Variants in ADAMTS15 observed in about 807,000 individuals in gnomAD.
ADAMTS15 encodes ADAM metallopeptidase with thrombospondin type 1 motif 15.
Under a neutral mutation model 79.1 loss-of-function variants are expected in ADAMTS15, and 35 were observed. The ratio of observed to expected loss-of-function variants is 0.44; its 90% CI spans 0.34 to 0.59. The LOEUF (loss-of-function observed/expected upper bound fraction) is 0.59, where lower values mean the gene tolerates loss of function less well. ADAMTS15 is among the 20% of genes least tolerant of loss of function. The pLI, the probability that ADAMTS15 is intolerant of heterozygous loss-of-function variation, is 0.02. For synonymous variants in ADAMTS15, 616 were observed against 567.3 expected (o/e 1.09, Z -1.22); for missense variants, 1,324 against 1,318.7 (o/e 1.00, Z -0.06).
At chr11:130,470,188 A>ATG (rs1565397863) in intron 5 of ADAMTS15, among the ~76,000 whole-genome samples, 3 of 48,916 alleles carry the variant, frequency 6.1e-5, no homozygotes, top group Non-Finnish European at 1.2e-4. Context: ...ATATGTGTGT[A>ATG]TATATATATA....
chr11:130,466,166 C>T (rs535867212), intron 4 of ADAMTS15, among the ~76,000 whole-genome samples: 1 of 152,336 alleles, frequency 6.6e-6, no homozygotes, highest in South Asian at 2.1e-4. Flanking sequence ...AGCCACCGCG[C>T]CCGGCCTGTA....
At position 130,448,673 on chromosome 11, in the gene ADAMTS15, G is replaced by A. The variant is rs1027793131; in HGVS notation, c.-301G>A. ...CTGCGAGTGGCTGCGGTTGCGAGAA[G>A]CCGCCCGGCACCTTCCGCTAGTTCT... On this transcript the variant is annotated 5_prime_UTR_variant, in exon 1 of 8. Coordinates refer to ENST00000299164, the MANE Select transcript of ADAMTS15 (RefSeq NM_139055.4). Among the ~76,000 whole-genome samples the A allele has an allele frequency of 2.0e-5, 3 of 152,252 alleles. No homozygotes were observed. The highest frequency in any genetic ancestry group is 4.4e-5 in the Non-Finnish European group (3 of 68,046).
Position 130,471,323 on chromosome 11 carries a change from G to A in ADAMTS15, c.2018G>A (p.Gly673Glu). ...TCCAAGAAGAGATTCGACAAGTGTG[G>A]GGTGTGTGGGGGAGACAATAAGAGC... ...LGSKKRFDKC[G>E]VCGGDNKSCK... The change falls in exon 7 of 8, where the codon GGG becomes GAG. Residue 673 changes from glycine (G) to glutamate (E), a missense_variant. Physicochemically the swap from Gly to Glu is moderately conservative, Grantham distance 98. Transcript: ENST00000299164. 6.2e-7 allele frequency: 1 copy of A among 1,612,756 alleles called. No individual in the cohort carries two copies. The highest frequency in any genetic ancestry group is 8.5e-7 in the Non-Finnish European group (1 of 1,179,734).
chr11:130,450,059 C>CG, intron 1 of ADAMTS15, 129 bp downstream of exon 1: 1 of 1,484,118 alleles, frequency 6.7e-7, no homozygotes, highest in Non-Finnish European at 8.9e-7. Context: ...TCTTCCGACT[C>CG]CAACTCTGTG....
Position 130,462,548 on chromosome 11 carries a change from T to G in ADAMTS15, c.1310T>G (p.Leu437Arg). The change falls in exon 4 of 8, where the codon CTG becomes CGG. Residue 437 changes from leucine (L) to arginine (R), a missense_variant. By Grantham distance (102) the Leu-to-Arg change is moderately radical. Coordinates refer to ENST00000299164, the MANE Select transcript of ADAMTS15 (RefSeq NM_139055.4). This position sits in a 1 kb window ranked among gnomAD's most constrained non-coding sequence, Gnocchi z 4.3. ...PSKPISLPED[L>R]PGASYTLSQQ... ...AAGCCCATCTCCCTGCCCGAGGATCTGCCGGGCGCCAGCTACACCCTGAGC... is the reference window on the plus strand; with the variant it reads ...AAGCCCATCTCCCTGCCCGAGGATCGGCCGGGCGCCAGCTACACCCTGAGC... The G allele has an allele frequency of 6.2e-7, 1 of 1,611,128 alleles. No homozygotes were observed. The highest frequency in any genetic ancestry group is 8.5e-7 in the Non-Finnish European group (1 of 1,178,092).
chr11:130,472,678 A>T lies in ADAMTS15; in HGVS notation c.2079-369A>T, dbSNP rs947082593. ...ATGGTGGACTTACTCCTCCCGCCCC[A>T]CCCCTCCTCCTCCTCCTCCTCCTCC... On this transcript the variant is annotated intron_variant, in intron 7 of 7. Transcript: ENST00000299164. This position sits in a 1 kb window ranked among gnomAD's most constrained non-coding sequence, Gnocchi z 4.7. Among the ~76,000 whole-genome samples the T allele has an allele frequency of 7.8e-5, 8 of 102,592 alleles. No homozygotes were observed. The highest frequency in any genetic ancestry group is 3.7e-4 in the African/African-American group (8 of 21,504). 67.3% of individuals were successfully genotyped at this position (102,592 alleles called of 152,430 possible).
chr11:130,450,355 C>T (rs773008596), intron 1 of ADAMTS15: 103 of 985,346 alleles, frequency 1.0e-4, no homozygotes, highest in Non-Finnish European at 1.2e-4. Flanking sequence ...CTCCTGAGGT[C>T]TCCTTTCAAG....
chr11:130,455,233 C>A (rs1938052189), intron 1 of ADAMTS15, among the ~76,000 whole-genome samples: 1 of 152,166 alleles, frequency 6.6e-6, no homozygotes, highest in Admixed American at 6.5e-5. Flanking sequence ...ATCATCTCAT[C>A]ACTGCCTTCG....
chr11:130,453,279 A>T (rs1384370846), intron 1 of ADAMTS15, among the ~76,000 whole-genome samples: 21 of 132,860 alleles, frequency 1.6e-4, no homozygotes, highest in African/African-American at 2.7e-4. Flanking sequence ...CTTTGGACTG[A>T]TTTTTTTTTT....
At chr11:130,464,904 T>C (rs769699805) in intron 4 of ADAMTS15, among the ~76,000 whole-genome samples, 6 of 150,336 alleles carry the variant, frequency 4.0e-5, no homozygotes, top group Non-Finnish European at 5.9e-5. Flanking sequence ...GAGGCAGAGG[T>C]TGCACTGAGC....
At chr11:130,455,487 C>A (rs528332820) in intron 1 of ADAMTS15, among the ~76,000 whole-genome samples, 1 of 152,188 alleles carries the variant, frequency 6.6e-6, no homozygotes, top group Non-Finnish European at 1.5e-5. Context: ...CCCTGCAAGT[C>A]GGCTGTTCAG....
chr11:130,463,459 G>T (rs1938242565), intron 4 of ADAMTS15, among the ~76,000 whole-genome samples: 2 of 152,102 alleles, frequency 1.3e-5, no homozygotes, highest in African/African-American at 4.8e-5. Flanking sequence ...GGGGGTTTTG[G>T]GGGTAGGAGA....
In ADAMTS15 at chr11:130,449,273, C is replaced by G; in HGVS notation, c.300C>G (p.Arg100=). The change falls in exon 1 of 8, where the codon CGC becomes CGG. Residue 100 remains arginine, a synonymous_variant. Transcript: ENST00000299164. The surrounding 1 kb of genome is among the most constrained non-coding windows in gnomAD (Gnocchi z 7.8). ...CCGGGGGCTCTTCAGACCTGCGACGCTGCTTCTATTCTGGGGACGTGAACG... is the reference window on the plus strand; with the variant it reads ...CCGGGGGCTCTTCAGACCTGCGACGGTGCTTCTATTCTGGGGACGTGAACG... The part of the protein sequence containing the change: ...GLTGGSSDLR[R]CFYSGDVNAE... The G allele has an allele frequency of 6.2e-7, 1 of 1,612,726 alleles. No homozygotes were observed. The highest frequency in any genetic ancestry group is 8.5e-7 in the Non-Finnish European group (1 of 1,180,030).
chr11:130,457,325 A>G (rs1938105214), intron 1 of ADAMTS15, among the ~76,000 whole-genome samples: 1 of 151,716 alleles, frequency 6.6e-6, no homozygotes, highest in African/African-American at 2.4e-5. Context: ...CATGCCTGGG[A>G]AATGAGAAGA....
In ADAMTS15 at chr11:130,462,571, A is replaced by G. The variant is rs768485222; in HGVS notation, c.1333A>G (p.Ser445Gly). 5 of 1,613,168 alleles carry G rather than the reference A, an allele frequency of 3.1e-6. No individual in the cohort carries two copies. The highest frequency in any genetic ancestry group is 3.4e-6 in the Non-Finnish European group (4 of 1,179,576). Residue 445 changes from serine (S) to glycine (G), a missense_variant, in exon 4 of 8, where the codon AGC becomes GGC. By Grantham distance (56) the Ser-to-Gly change is moderately conservative (BLOSUM62 0). Coordinates refer to ENST00000299164, the MANE Select transcript of ADAMTS15 (RefSeq NM_139055.4). The surrounding 1 kb of genome is among the most constrained non-coding windows in gnomAD (Gnocchi z 4.3). ...EDLPGASYTL[S>G]QQCELAFGVG... ...TCTGCCGGGCGCCAGCTACACCCTG[A>G]GCCAGCAGTGCGAGCTGGCTTTTGG...
intron 7 of ADAMTS15, among the ~76,000 whole-genome samples, chr11:130,471,822 G>A (rs1464639127): frequency 6.6e-6 from 1 of 152,240 alleles, no homozygotes; most frequent in Admixed American, 6.5e-5. Flanking sequence ...CTCTTGTGGG[G>A]AATAAGGGAG....
chr11:130,468,787 A>G (rs1195817659), intron 4 of ADAMTS15, among the ~76,000 whole-genome samples: 1 of 148,288 alleles, frequency 6.7e-6, no homozygotes, highest in Non-Finnish European at 1.5e-5. Context: ...AAAAAAAATA[A>G]TTAGCCGGGC....
At chr11:130,465,347 C>T (rs1167172407) in intron 4 of ADAMTS15, among the ~76,000 whole-genome samples, 2 of 152,228 alleles carry the variant, frequency 1.3e-5, no homozygotes, top group East Asian at 3.8e-4. Context: ...GGAACCCCAT[C>T]CCCTCTCGCT....
chr11:130,457,780 C>G (rs1938117219), intron 1 of ADAMTS15, among the ~76,000 whole-genome samples: 1 of 152,198 alleles, frequency 6.6e-6, no homozygotes, highest in Non-Finnish European at 1.5e-5. Context: ...TGCTGGGCCC[C>G]TGTATAAGCA....
Sources: gnomAD v4.1 joint callset for allele counts (sites outside exome capture counted in the v4.1 genomes callset) on GRCh38, gnomAD v4.1.1 for gene constraint, Gnocchi (gnomAD v3.1) non-coding constraint, MANE v1.5 for transcripts, NCBI Gene and HGNC (gene_info 2026-07-23, HGNC 2026-07-21) for gene names.